The following ARHGAP22 variants were observed in gnomAD, a reference collection of about 807,000 sequenced individuals.
ARHGAP22 encodes the protein rho GTPase-activating protein 22.
ARHGAP22 carries 48 observed loss-of-function variants against 59.1 expected under a neutral mutation model. That is an observed-to-expected ratio of 0.81 (90% confidence interval 0.64 to 1.03). The LOEUF (loss-of-function observed/expected upper bound fraction) is 1.03. ARHGAP22 is among the 50% of genes least tolerant of loss of function. The probability of loss-of-function intolerance (pLI) is 0.00; values close to 1 mark genes in which losing one functional copy is unlikely to be tolerated. For synonymous variants in ARHGAP22, 445 were observed against 416.4 expected (o/e 1.07, Z -0.84); for missense variants, 1,015 against 958.7 (o/e 1.06, Z -0.78).
chr10:48,612,410 G>A (rs749064724), intron 1 of ARHGAP22, among the ~76,000 whole-genome samples: 1 of 152,216 alleles, frequency 6.6e-6, no homozygotes, highest in Non-Finnish European at 1.5e-5. Context: ...CTGAGGCTCA[G>A]CTGAGCAGAT....
chr10:48,582,930 C>T (rs1184577033), intron 2 of ARHGAP22, 23 bp downstream of exon 2: 2 of 1,612,962 alleles, frequency 1.2e-6, no homozygotes, highest in Admixed American at 1.7e-5. Flanking sequence ...ATGCCCACGG[C>T]ACACCGGACA....
At chr10:48,590,967 T>G (rs1480379262) in intron 1 of ARHGAP22, among the ~76,000 whole-genome samples, 1 of 152,194 alleles carries the variant, frequency 6.6e-6, no homozygotes, top group Non-Finnish European at 1.5e-5. Flanking sequence ...AACCCTGATT[T>G]CTCAGATGTT....
intron 1 of ARHGAP22, among the ~76,000 whole-genome samples, chr10:48,626,007 A>G (rs2061437054): frequency 6.6e-6 from 1 of 152,142 alleles, no homozygotes; most frequent in African/African-American, 2.4e-5. Flanking sequence ...GCAAATCAAC[A>G]TCCAGTTCTC....
At chr10:48,531,117 T>C (rs1430330678) in intron 3 of ARHGAP22, among the ~76,000 whole-genome samples, 1 of 152,264 alleles carries the variant, frequency 6.6e-6, no homozygotes, top group Non-Finnish European at 1.5e-5. Flanking sequence ...TAATGGCATT[T>C]GCAGCAACTT....
chr10:48,604,937 T>C lies in ARHGAP22; in HGVS notation c.-141A>G. ...CGCTGGCGTCACCCGTCAGGCTCCC[T>C]CGGCTACCTCTCCTGGCTCCGGACG... On this transcript the variant is annotated 5_prime_UTR_variant, in exon 1 of 10. Transcript: ENST00000249601. The C allele has an allele frequency of 6.5e-7, 1 of 1,545,702 alleles. No homozygotes were observed. Among genetic ancestry groups the C allele is most frequent in the Non-Finnish European group, 8.7e-7 (1 of 1,149,056 alleles).
chr10:48,558,340 G>GTT lies in ARHGAP22; in HGVS notation c.235-2792_235-2791dup, dbSNP rs59162298. 5.9e-3 allele frequency among the ~76,000 whole-genome samples: 875 copies of GTT among 149,310 alleles called. 10 individuals carry two copies. The highest frequency in any genetic ancestry group is 0.02 in the African/African-American group (825 of 40,492). ...TATCAGTAGATTTTTGCGATTTAAT[G>GTT]TTTTTTTTTTGTTTTTTTGTTTTGT... is the stretch of plus-strand genomic sequence containing the variant. On this transcript the variant is annotated intron_variant, in intron 2 of 9. Transcript: ENST00000249601.
Position 48,451,153 on chromosome 10 carries a change from G to C in ARHGAP22, c.989-13C>G, listed in dbSNP as rs2045903884. 1.3e-6 allele frequency: 2 copies of C among 1,551,032 alleles called. No homozygotes were observed. Among genetic ancestry groups the C allele is most frequent in the African/African-American group, 2.7e-5 (2 of 73,194 alleles). ...ACGAGGGAAGTGCCTGCCGGGAAGA[G>C]AGGCGGAGAAGGGCCTTGCTGCCAG... On this transcript the variant is annotated splice_polypyrimidine_tract_variant and intron_variant, in intron 8 of 9. Coordinates refer to ENST00000249601, the MANE Select transcript of ARHGAP22 (RefSeq NM_021226.4).
intron 3 of ARHGAP22, among the ~76,000 whole-genome samples, chr10:48,512,796 C>T (rs975214515): frequency 2.0e-5 from 3 of 152,220 alleles, no homozygotes; most frequent in Non-Finnish European, 4.4e-5. Context: ...ACATTTCACA[C>T]TGCTTCCTTG....
intron 1 of ARHGAP22, among the ~76,000 whole-genome samples, chr10:48,617,937 G>A (rs912038980): frequency 1.3e-5 from 2 of 151,868 alleles, no homozygotes; most frequent in Non-Finnish European, 2.9e-5. Context: ...CAAACCATTA[G>A]CTAGACCAAG....
At chr10:48,569,783 G>A (rs2058284454) in intron 2 of ARHGAP22, among the ~76,000 whole-genome samples, 1 of 152,184 alleles carries the variant, frequency 6.6e-6, no homozygotes, top group Non-Finnish European at 1.5e-5. Context: ...CTTGTAGGCA[G>A]TATAGCTCTG....
intron 1 of ARHGAP22, among the ~76,000 whole-genome samples, chr10:48,632,495 C>G (rs2061661582): frequency 6.6e-6 from 1 of 152,060 alleles, no homozygotes; most frequent in South Asian, 2.1e-4. Context: ...TAATTCCTAT[C>G]CTTGTTCTTC....
intron 3 of ARHGAP22, among the ~76,000 whole-genome samples, chr10:48,555,190 T>C (rs961654236): frequency 6.6e-6 from 1 of 152,234 alleles, no homozygotes; most frequent in Non-Finnish European, 1.5e-5. Context: ...CCTGAGATGT[T>C]CCCATTGACT....
chr10:48,652,671 G>C, upstream of ARHGAP22: 1 of 192,234 alleles, frequency 5.2e-6, no homozygotes, highest in Non-Finnish European at 1.1e-5. Context: ...TGCTATATTT[G>C]ATTTTTTTTC....
chr10:48,562,225 C>CAA (rs372671006), intron 2 of ARHGAP22, among the ~76,000 whole-genome samples: 5,196 of 138,466 alleles, frequency 0.038, 332 homozygotes, highest in African/African-American at 0.13. Context: ...GACTCCATCT[C>CAA]AAAAAAAAAA....
intron 1 of ARHGAP22, among the ~76,000 whole-genome samples, chr10:48,638,918 C>A (rs1210388942): frequency 2.6e-5 from 4 of 152,146 alleles, no homozygotes; most frequent in Admixed American, 2.6e-4. Flanking sequence ...AGCAAATTCT[C>A]TCCCAAAAAC....
intron 3 of ARHGAP22, among the ~76,000 whole-genome samples, chr10:48,500,690 C>T (rs1055386486): frequency 6.6e-6 from 1 of 152,056 alleles, no homozygotes; most frequent in African/African-American, 2.4e-5. Flanking sequence ...GAGTTCGAGA[C>T]CAGCCTGGCT....
intron 1 of ARHGAP22, among the ~76,000 whole-genome samples, chr10:48,639,384 T>C (rs77387016): frequency 0.05 from 7,597 of 152,306 alleles, 241 homozygotes; most frequent in South Asian, 0.088. Flanking sequence ...ACTCTAAGAC[T>C]GAGGGCATGT....
chr10:48,492,950 G>T (rs2050550702), intron 3 of ARHGAP22, among the ~76,000 whole-genome samples: 9 of 152,162 alleles, frequency 5.9e-5, no homozygotes, highest in Admixed American at 5.9e-4. Context: ...ATTTCAACAT[G>T]TCAATTAAAA....
intron 3 of ARHGAP22, among the ~76,000 whole-genome samples, chr10:48,501,344 T>A (rs1191216257): frequency 6.6e-6 from 1 of 152,204 alleles, no homozygotes; most frequent in Non-Finnish European, 1.5e-5. Context: ...AGGTTTAATA[T>A]AAAGTGACAG....
Sources: allele counts gnomAD v4.1 joint callset (sites outside exome capture counted in the v4.1 genomes callset), GRCh38; gene constraint gnomAD v4.1.1; transcripts MANE v1.5; gene names NCBI Gene and HGNC (gene_info 2026-07-23, HGNC 2026-07-21).